The following EXT2 variants were observed in gnomAD, a reference collection of about 807,000 sequenced individuals.
EXT2 encodes the protein exostosin glycosyltransferase 2, also known as exostosin-2.
In EXT2, 53 loss-of-function variants were observed where a neutral mutation model predicts 81.6. The observed-to-expected ratio is 0.65, with a 90% confidence interval of 0.52 to 0.82. The LOEUF is 0.82. Among genes scored for constraint, EXT2 ranks in the 40% least tolerant of loss-of-function variants. The probability of loss-of-function intolerance (pLI) is 0.00; values close to 1 mark genes in which losing one functional copy is unlikely to be tolerated. For missense variants in EXT2, 774 were observed against 910.2 expected (o/e 0.85, Z 1.93); for synonymous variants, 320 against 340.0 (o/e 0.94, Z 0.65).
chr11:44,168,803 C>T (rs1189909483), intron 7 of EXT2, among the ~76,000 whole-genome samples: 1 of 151,992 alleles, frequency 6.6e-6, no homozygotes, highest in Non-Finnish European at 1.5e-5. Context: ...GAGTCACCCA[C>T]GAATTCTACA....
intron 7 of EXT2, chr11:44,144,140 ATC>A: frequency 1.1e-6 from 1 of 928,556 alleles, no homozygotes; most frequent in Non-Finnish European, 1.7e-6. Flanking sequence ...AACATGGAAA[ATC>A]TCGCCCCAGG....
rs548650597 is a variant in EXT2, at chr11:44,232,501, G to C, written c.1806+5G>C. ...GGGGCAGCTTTTTATCACAAGGTAAGGGGGCGCAGTCCTGGCAAGGTGACA... is the reference window on the plus strand; with the variant it reads ...GGGGCAGCTTTTTATCACAAGGTAACGGGGCGCAGTCCTGGCAAGGTGACA... On this transcript the variant is annotated splice_donor_5th_base_variant and intron_variant, in intron 11 of 13. Transcript: ENST00000533608. 1.1e-5 allele frequency: 17 copies of C among 1,613,660 alleles called. No homozygotes were observed. The East Asian group carries it at 3.8e-4, about 36-fold the overall frequency.
intron 4 of EXT2, among the ~76,000 whole-genome samples, chr11:44,120,451 A>G (rs1954299424): frequency 6.6e-6 from 1 of 152,166 alleles, no homozygotes; most frequent in Non-Finnish European, 1.5e-5. Context: ...CTGGTCATGC[A>G]CTTGTGGTGT....
At chr11:44,142,381 C>T (rs1954657937) in intron 7 of EXT2, among the ~76,000 whole-genome samples, 1 of 152,236 alleles carries the variant, frequency 6.6e-6, no homozygotes, top group South Asian at 2.1e-4. Context: ...GATAGCTCCA[C>T]TTAAGCCATT....
chr11:44,110,267 T>G (rs1056311249), intron 3 of EXT2, among the ~76,000 whole-genome samples: 2 of 152,252 alleles, frequency 1.3e-5, no homozygotes, highest in Non-Finnish European at 2.9e-5. Context: ...AATCTAAACC[T>G]TCTTTGCATT....
At chr11:44,133,441 T>A (rs1425939940) in intron 7 of EXT2, among the ~76,000 whole-genome samples, 2 of 152,154 alleles carry the variant, frequency 1.3e-5, no homozygotes, top group Non-Finnish European at 2.9e-5. Context: ...AGATGATGTA[T>A]CAGAATGAAC....
At chr11:44,178,744 C>G (rs871504) in intron 8 of EXT2, among the ~76,000 whole-genome samples, 39,103 of 151,974 alleles carry the variant, frequency 0.26, 6,062 homozygotes, top group Admixed American at 0.42. Context: ...ACCCTGCCCC[C>G]CAGGAGGCCT....
In EXT2 at chr11:44,119,854, C is replaced by T. The variant is rs78544295; in HGVS notation, c.744-4935C>T. ...TGGGGTTGAGAAACCCTGGGTGAGG[C>T]AGAGAGTGACATGTGAGGACTGGTC... On this transcript the variant is annotated intron_variant, in intron 4 of 13. Coordinates refer to ENST00000533608, the MANE Select transcript of EXT2 (RefSeq NM_207122.2). Among the ~76,000 whole-genome samples the T allele has an allele frequency of 7.2e-3, 1,098 of 152,346 alleles. 9 individuals carry two copies. The highest frequency in any genetic ancestry group is 0.031 in the East Asian group (159 of 5,190).
Position 44,130,055 on chromosome 11 carries a change from G to T in EXT2, c.1090G>T (p.Val364Phe). The T allele has an allele frequency of 6.2e-7, 1 of 1,613,996 alleles. No homozygotes were observed. The highest frequency in any genetic ancestry group is 1.3e-5 in the African/African-American group (1 of 75,008). The change falls in exon 7 of 14, where the codon GTT becomes TTT. Residue 364 changes from valine (V) to phenylalanine (F), a missense_variant. Physicochemically the swap from Val to Phe is conservative, Grantham distance 50. This residue lies in a region of EXT2 where 626 missense variants were observed against 670.5 expected (regional missense o/e 0.93). Transcript: ENST00000533608. ...TGCTGTTGTCTCCAGAGCATCTGTG[G>T]TTGTACCAGAAGAAAAGATGTCAGA... ...EVLDWKRASV[V>F]VPEEKMSDVY... is the part of the protein sequence containing the mutation.
chr11:44,187,056 TCCTCCCTCCCTCCGTC>T (rs1484591863), intron 8 of EXT2, among the ~76,000 whole-genome samples: 100 of 104,928 alleles, frequency 9.5e-4, no homozygotes, highest in Admixed American at 2.0e-3. Flanking sequence ...CCTCCTTCCC[TCCTCCCTCCCTCCGTC>T]CCTCCCTCCC....
intron 7 of EXT2, among the ~76,000 whole-genome samples, chr11:44,150,618 A>G (rs1028633504): frequency 6.6e-6 from 1 of 152,210 alleles, no homozygotes; most frequent in Non-Finnish European, 1.5e-5. Context: ...GGAACAACAC[A>G]GCTTAAAATA....
intron 7 of EXT2, among the ~76,000 whole-genome samples, chr11:44,167,731 T>C (rs376566660): frequency 1.7e-4 from 26 of 152,278 alleles, no homozygotes; most frequent in South Asian, 1.7e-3. Context: ...TAGAAAGATA[T>C]CTACAGGTGA....
intron 12 of EXT2, among the ~76,000 whole-genome samples, chr11:44,235,203 A>G (rs918802174): frequency 5.8e-5 from 7 of 121,090 alleles, no homozygotes; most frequent in Non-Finnish European, 1.2e-4. Context: ...TTTTAAAGGG[A>G]CCCTTCCCAT....
intron 9 of EXT2, among the ~76,000 whole-genome samples, chr11:44,203,675 C>A (rs1037556544): frequency 6.6e-6 from 1 of 152,170 alleles, no homozygotes; most frequent in Non-Finnish European, 1.5e-5. Context: ...TCCTGGGAAG[C>A]TGCCCCAGGG....
At position 44,245,214 on chromosome 11, in the gene EXT2, C is replaced by T. The variant is rs899189468; in HGVS notation, c.*927C>T. On this transcript the variant is annotated 3_prime_UTR_variant, in exon 14 of 14. Coordinates refer to ENST00000533608, the MANE Select transcript of EXT2 (RefSeq NM_207122.2). Reference sequence around the variant, plus strand: ...GTCAGAGAAAAACAGAGGGTCTGTACTAGCCATGCAAGGAGTCGCTCTAGC... The same window carrying T: ...GTCAGAGAAAAACAGAGGGTCTGTATTAGCCATGCAAGGAGTCGCTCTAGC... 3 of 228,360 alleles carry T rather than the reference C, an allele frequency of 1.3e-5. No homozygotes were observed. Among genetic ancestry groups the T allele is most frequent in the African/African-American group, 2.2e-5 (1 of 45,018 alleles). 14.1% of individuals were successfully genotyped at this position (228,360 alleles called of 1,614,324 possible).
At chr11:44,128,148 A>G (rs1565205161) in intron 6 of EXT2, among the ~76,000 whole-genome samples, 1 of 152,206 alleles carries the variant, frequency 6.6e-6, no homozygotes. Flanking sequence ...TCATTCATTC[A>G]TTTATTCATT....
chr11:44,106,386 A>G (rs1954055266), intron 1 of EXT2, among the ~76,000 whole-genome samples: 1 of 152,120 alleles, frequency 6.6e-6, no homozygotes, highest in African/African-American at 2.4e-5. Flanking sequence ...ATCTAAATGC[A>G]ACTATCACCT....
At chr11:44,241,131 A>G (rs1809799) in intron 13 of EXT2, among the ~76,000 whole-genome samples, 137,239 of 152,208 alleles carry the variant, frequency 0.9, 61,954 homozygotes, top group East Asian at 0.99. Context: ...TCTCAGTTGT[A>G]TAGGAGAGTA....
At chr11:44,235,063 G>A (rs1478460661) in intron 12 of EXT2, among the ~76,000 whole-genome samples, 3 of 152,074 alleles carry the variant, frequency 2.0e-5, no homozygotes, top group Non-Finnish European at 4.4e-5. Context: ...AAAGTGTATA[G>A]GGAATAGGAA....
Sources: allele counts gnomAD v4.1 joint callset (sites outside exome capture counted in the v4.1 genomes callset), GRCh38; gene constraint gnomAD v4.1.1; regional missense constraint gnomAD v4.1.1; transcripts MANE v1.5; gene names NCBI Gene and HGNC (gene_info 2026-07-23, HGNC 2026-07-21).